The following ZNF48 variants were observed in gnomAD, a reference collection of about 807,000 sequenced individuals.
ZNF48 encodes zinc finger protein 48.
A neutral mutation model predicts 40.0 loss-of-function variants in ZNF48; 20 were observed. The observed-to-expected ratio is 0.50, with a 90% CI of 0.35 to 0.73. The LOEUF (loss-of-function observed/expected upper bound fraction) is 0.73, where lower values mean the gene tolerates loss of function less well. ZNF48 is among the 30% of genes least tolerant of loss of function. The pLI, the probability that ZNF48 is intolerant of heterozygous loss-of-function variation, is 0.01. For missense variants in ZNF48, 726 were observed against 851.9 expected (o/e 0.85, Z 1.84); for synonymous variants, 298 against 329.7 (o/e 0.90, Z 1.04).
upstream of ZNF48, chr16:30,395,034 C>T (rs1197717502): frequency 3.2e-5 from 10 of 308,244 alleles, no homozygotes; most frequent in Admixed American, 3.8e-4. The surrounding 1 kb of genome is among the most constrained non-coding windows in gnomAD (Gnocchi z 5.9). Context: ...CGCCCCGCCC[C>T]GTCTGGGGTC....
intron 1 of ZNF48, chr16:30,378,688 G>C (rs780363243): frequency 3.7e-5 from 59 of 1,608,238 alleles, no homozygotes; most frequent in Non-Finnish European, 4.9e-5. Flanking sequence ...TGGCGCTCTG[G>C]CGGGAAAGCT....
rs746174841 is a variant in ZNF48 at position 30,382,113 on chromosome 16, C to A, written c.-16+3703C>A. The A allele has an allele frequency of 5.7e-6, 9 of 1,582,626 alleles. No homozygotes were observed. Among genetic ancestry groups the A allele is most frequent in the Non-Finnish European group, 7.7e-6 (9 of 1,163,964 alleles). On this transcript the variant is annotated intron_variant, in intron 1 of 2. Transcript: ENST00000528032. This position sits in a 1 kb window ranked among gnomAD's most constrained non-coding sequence, Gnocchi z 4.8. ...CTTACCACTGGCCTCTGGCACCTGG[C>A]GATCCTCATAGAGGTTGGTGAGGAA...
Position 30,382,984 on chromosome 16 carries a change from G to A in ZNF48, c.-16+4574G>A. 1 of 612,934 alleles carries A rather than the reference G, an allele frequency of 1.6e-6. No individual in the cohort carries two copies. Among genetic ancestry groups the A allele is most frequent in the Non-Finnish European group, 2.9e-6 (1 of 341,014 alleles). The allele number at this position is 612,934 out of a possible 1,614,324, so 38.0% of individuals were successfully genotyped here. On this transcript the variant is annotated intron_variant, in intron 1 of 2. Transcript: ENST00000528032. The surrounding 1 kb of genome is among the most constrained non-coding windows in gnomAD (Gnocchi z 4.8). Reference sequence around the variant, plus strand: ...AGCCAAGGAGTTCCAGACCAGCCTGGGCAACAGAGGGACGTGCCCCTCTAC... The same window carrying A: ...AGCCAAGGAGTTCCAGACCAGCCTGAGCAACAGAGGGACGTGCCCCTCTAC...
At chr16:30,386,862 C>T (rs2049904398) in intron 1 of ZNF48, among the ~76,000 whole-genome samples, 1 of 151,192 alleles carries the variant, frequency 6.6e-6, no homozygotes, top group Non-Finnish European at 1.5e-5. Context: ...TGGGGTTTCA[C>T]CATGTTGGTC....
At position 30,398,897 on chromosome 16, in the gene ZNF48, G is replaced by A. The variant is rs2050023687; in HGVS notation, c.1647G>A (p.Gly549=). The A allele has an allele frequency of 2.2e-5, 36 of 1,613,874 alleles. No individual in the cohort carries two copies. The highest frequency in any genetic ancestry group is 3.0e-5 in the Non-Finnish European group (35 of 1,179,908). The part of the protein sequence containing the change: ...PSQPHVCGFC[G]KEFPRSSDLV... ...AGCCCCACGTGTGTGGCTTCTGTGG[G>A]AAGGAGTTCCCCCGGAGCTCAGATC... The change falls in exon 3 of 3, where the codon GGG becomes GGA. Residue 549 remains glycine (G), a synonymous_variant. Coordinates refer to ENST00000613509, the MANE Select transcript of ZNF48 (RefSeq NM_001214909.2). This position sits in a 1 kb window ranked among gnomAD's most constrained non-coding sequence, Gnocchi z 6.6.
chr16:30,394,957 C>T, upstream of ZNF48: 1 of 197,830 alleles, frequency 5.1e-6, no homozygotes, highest in Non-Finnish European at 1.0e-5. Context: ...CCATTCCATA[C>T]CCACCCCCAC....
intron 1 of ZNF48, among the ~76,000 whole-genome samples, chr16:30,383,892 A>G (rs1475007873): frequency 6.6e-6 from 1 of 151,882 alleles, no homozygotes; most frequent in East Asian, 1.9e-4. Flanking sequence ...CTCTCCACCT[A>G]CCCTAGGCAG....
intron 1 of ZNF48, among the ~76,000 whole-genome samples, chr16:30,387,814 C>T (rs1263350962): frequency 6.6e-6 from 1 of 152,092 alleles, no homozygotes; most frequent in African/African-American, 2.4e-5. Flanking sequence ...CCACCTTGGC[C>T]TCCCAATCAC....
chr16:30,378,958 G>A, intron 1 of ZNF48: 2 of 1,548,648 alleles, frequency 1.3e-6, no homozygotes, highest in Non-Finnish European at 1.8e-6. Flanking sequence ...AGTCCTCAGG[G>A]CGGGGTCATG....
intron 1 of ZNF48, among the ~76,000 whole-genome samples, chr16:30,383,275 A>G (rs1013189221): frequency 2.6e-5 from 4 of 151,358 alleles, no homozygotes; most frequent in African/African-American, 9.7e-5. Flanking sequence ...TGCAAGCTCC[A>G]CCTCCCGGGT....
intron 1 of ZNF48, chr16:30,378,887 GGAGGGAGGGAGGGAGA>G (rs1175137804): frequency 5.5e-6 from 4 of 732,802 alleles, no homozygotes; most frequent in Non-Finnish European, 8.5e-6. Flanking sequence ...AGGGAGGGAG[GGAGGGAGGGAGGGAGA>G]GAGAAGTCTG....
In ZNF48 at chr16:30,381,315, G is replaced by T; in HGVS notation, c.-16+2905G>T. The T allele has an allele frequency of 1.3e-6, 2 of 1,589,652 alleles. No homozygotes were observed. The highest frequency in any genetic ancestry group is 2.7e-5 in the African/African-American group (2 of 73,076). On this transcript the variant is annotated intron_variant, in intron 1 of 2. Transcript: ENST00000528032. This position sits in a 1 kb window ranked among gnomAD's most constrained non-coding sequence, Gnocchi z 4.3. The stretch of plus-strand genomic sequence containing the variant: ...CCCCCAGCCCTCCCTAAATGCGCCA[G>T]CCCCCAGGATCCCCCCACCAGACCC...
intron 1 of ZNF48, chr16:30,379,606 C>G: frequency 9.9e-7 from 1 of 1,014,942 alleles, no homozygotes; most frequent in Non-Finnish European, 1.5e-6. Flanking sequence ...GCTTCAATCT[C>G]CACACCCGCC....
intron 2 of ZNF48, 181 bp downstream of exon 2, chr16:30,396,054 T>C: frequency 1.9e-6 from 1 of 531,088 alleles, no homozygotes; most frequent in Non-Finnish European, 3.2e-6. Flanking sequence ...CTTCACGGCC[T>C]CTGTCCCCTC....
At position 30,398,490 on chromosome 16, in the gene ZNF48, C is replaced by A; in HGVS notation, c.1240C>A (p.Pro414Thr). 1 of 1,587,626 alleles carries A rather than the reference C, an allele frequency of 6.3e-7. No individual in the cohort carries two copies. The highest frequency in any genetic ancestry group is 8.6e-7 in the Non-Finnish European group (1 of 1,165,470). Residue 414 changes from proline to threonine, a missense_variant, in exon 3 of 3, where the codon CCT becomes ACT. By Grantham distance (38) the Pro-to-Thr change is conservative (BLOSUM62 -1). Coordinates refer to ENST00000613509, the MANE Select transcript of ZNF48 (RefSeq NM_001214909.2). This position sits in a 1 kb window ranked among gnomAD's most constrained non-coding sequence, Gnocchi z 6.6. Reference protein sequence around the residue: ...PPLGTSPPLTPRSPSHSGEPF... With the variant: ...PPLGTSPPLTTRSPSHSGEPF... ...TCTGGGCACCAGCCCCCCGCTGACA[C>A]CTCGAAGTCCCTCACACTCGGGTGA...
chr16:30,378,491 C>T, intron 1 of ZNF48: 1 of 1,578,232 alleles, frequency 6.3e-7, no homozygotes, highest in Non-Finnish European at 8.6e-7. Flanking sequence ...GGGCCTGCAT[C>T]TTCTCCAGCA....
At chr16:30,378,423 G>A (rs2049781244) in intron 1 of ZNF48, 2 of 1,560,692 alleles carry the variant, frequency 1.3e-6, no homozygotes, top group South Asian at 2.3e-5. Flanking sequence ...AAGGCCGGGC[G>A]GGGCGTGGCC....
At position 30,395,978 on chromosome 16, in the gene ZNF48, GC is replaced by G; in HGVS notation, c.79+107del. 8.2e-7 allele frequency: 1 copy of G among 1,219,488 alleles called. No individual in the cohort carries two copies. 75.5% of individuals were successfully genotyped at this position (1,219,488 alleles called of 1,614,324 possible). Reference sequence around the variant, plus strand: ...TCCTGGAAGATCGGACGTGAGCTGTGCCTCTGGGGAGATAGGGGGAGGGGAG... The same window carrying G: ...TCCTGGAAGATCGGACGTGAGCTGTGCTCTGGGGAGATAGGGGGAGGGGAG... On this transcript the variant is annotated intron_variant, in intron 2 of 2. Transcript: ENST00000613509. This position sits in a 1 kb window ranked among gnomAD's most constrained non-coding sequence, Gnocchi z 5.9.
chr16:30,397,240 A>T lies in ZNF48; in HGVS notation c.80-90A>T, dbSNP rs371991921. ...GAGATTGGGGTTCCTGTGACCACAG[A>T]TTGTCAAGGGAGTCTTCCTGGAGAG... On this transcript the variant is annotated intron_variant, in intron 2 of 2. Transcript: ENST00000613509. The surrounding 1 kb of genome is among the most constrained non-coding windows in gnomAD (Gnocchi z 4.1). 7.8e-5 allele frequency: 94 copies of T among 1,203,982 alleles called. No homozygotes were observed. The East Asian group carries it at 1.6e-3, about 21-fold the overall frequency. 74.6% of individuals were successfully genotyped at this position (1,203,982 alleles called of 1,614,324 possible). A position where few individuals can be genotyped will look rare whatever the true frequency, so the allele number is the denominator to read the frequency against.
Sources: allele counts gnomAD v4.1 joint callset (sites outside exome capture counted in the v4.1 genomes callset), GRCh38; gene constraint gnomAD v4.1.1; non-coding constraint Gnocchi (gnomAD v3.1); transcripts MANE v1.5; gene names NCBI Gene and HGNC (gene_info 2026-07-23, HGNC 2026-07-21).